The following SAMD5 variants were observed in gnomAD, a reference collection of about 807,000 sequenced individuals.
The protein encoded by SAMD5 is sterile alpha motif domain containing 5, also known as sterile alpha motif domain-containing protein 5.
A neutral mutation model predicts 11.3 loss-of-function variants in SAMD5; 13 were observed. The observed-to-expected ratio is 1.15, with a 90% CI of 0.75 to 1.83. SAMD5 has a LOEUF of 1.83. Among genes scored for constraint, SAMD5 ranks in the 40% most tolerant of loss-of-function variants. The probability of loss-of-function intolerance (pLI) is 0.00; values close to 1 mark genes in which losing one functional copy is unlikely to be tolerated. For missense variants in SAMD5, 255 were observed against 239.1 expected (o/e 1.07, Z -0.44); for synonymous variants, 129 against 111.3 (o/e 1.16, Z -1.00).
chr6:147,571,371 G>T (rs945535257), downstream of SAMD5, among the ~76,000 whole-genome samples: 3 of 152,088 alleles, frequency 2.0e-5, no homozygotes. Context: ...TCTAGATAAT[G>T]AATATCTTCT....
the SAMD5 span, among the ~76,000 whole-genome samples, chr6:147,947,133 A>G: frequency 6.6e-6 from 1 of 152,336 alleles, no homozygotes; most frequent in East Asian, 1.9e-4. Context: ...TTTGCTCTGC[A>G]TAGAATAAAA....
chr6:147,858,966 G>T, the SAMD5 span, among the ~76,000 whole-genome samples: 1 of 152,168 alleles, frequency 6.6e-6, no homozygotes, highest in Non-Finnish European at 1.5e-5. Flanking sequence ...TACAATATTA[G>T]TATGTAGATA....
the SAMD5 span, among the ~76,000 whole-genome samples, chr6:147,779,066 C>T: frequency 6.6e-6 from 1 of 151,468 alleles, no homozygotes; most frequent in Non-Finnish European, 1.5e-5. Context: ...GTGTTTTTGC[C>T]ATGTTAGACA....
At chr6:147,561,517 A>C (rs1788950330) in intron 1 of SAMD5, among the ~76,000 whole-genome samples, 2 of 152,274 alleles carry the variant, frequency 1.3e-5, no homozygotes, top group South Asian at 4.1e-4. Context: ...AGAAGGGATC[A>C]ATGCCTTTCA....
chr6:147,823,201 AT>A, the SAMD5 span, among the ~76,000 whole-genome samples: 1 of 152,178 alleles, frequency 6.6e-6, no homozygotes, highest in Non-Finnish European at 1.5e-5. Flanking sequence ...TTTGATGGAA[AT>A]AATAAAGTTG....
intron 1 of SAMD5, among the ~76,000 whole-genome samples, chr6:147,605,016 G>T (rs979143131): frequency 6.6e-6 from 1 of 152,114 alleles, no homozygotes; most frequent in Non-Finnish European, 1.5e-5. Flanking sequence ...AGGAATTTAT[G>T]GTCTGGTTAC....
the SAMD5 span, among the ~76,000 whole-genome samples, chr6:147,912,991 G>C: frequency 6.6e-6 from 1 of 152,052 alleles, no homozygotes; most frequent in African/African-American, 2.4e-5. Context: ...ACAGTAAAGA[G>C]AAATTTTTTT....
chr6:147,652,843 T>C (rs760880853), intron 1 of SAMD5, among the ~76,000 whole-genome samples: 6 of 152,228 alleles, frequency 3.9e-5, no homozygotes, highest in Non-Finnish European at 7.3e-5. Flanking sequence ...ATTTATTATT[T>C]ATTTACTTGG....
the SAMD5 span, among the ~76,000 whole-genome samples, chr6:147,868,516 G>A: frequency 2.0e-5 from 3 of 152,036 alleles, no homozygotes; most frequent in Non-Finnish European, 2.9e-5. Flanking sequence ...GCATTAAATT[G>A]GCAACTCATG....
At chr6:147,669,855 G>A (rs1385703181) in intron 1 of SAMD5, among the ~76,000 whole-genome samples, 1 of 152,052 alleles carries the variant, frequency 6.6e-6, no homozygotes, top group African/African-American at 2.4e-5. Context: ...CCAAACTCTT[G>A]TTTATGTTGA....
chr6:147,599,960 G>A (rs898792610), intron 1 of SAMD5, among the ~76,000 whole-genome samples: 10 of 151,934 alleles, frequency 6.6e-5, no homozygotes, highest in African/African-American at 2.4e-4. Flanking sequence ...CAAGAGGTGT[G>A]TATGGGACCA....
intron 1 of SAMD5, among the ~76,000 whole-genome samples, chr6:147,657,525 G>A (rs1442375054): frequency 6.6e-6 from 1 of 152,172 alleles, no homozygotes; most frequent in Non-Finnish European, 1.5e-5. Flanking sequence ...AGGCAATGAG[G>A]TAAAATGTTG....
the SAMD5 span, among the ~76,000 whole-genome samples, chr6:147,762,515 A>G: frequency 1.4e-5 from 1 of 72,046 alleles, no homozygotes; most frequent in African/African-American, 5.8e-5. Context: ...CAATTACTGT[A>G]CTCTTTTATG....
chr6:147,837,163 A>G, the SAMD5 span, among the ~76,000 whole-genome samples: 1 of 152,144 alleles, frequency 6.6e-6, no homozygotes, highest in Non-Finnish European at 1.5e-5. Context: ...TTATTATTTA[A>G]GTGGATACTG....
intron 1 of SAMD5, among the ~76,000 whole-genome samples, chr6:147,540,771 G>C (rs1391111788): frequency 1.8e-5 from 1 of 54,422 alleles, no homozygotes; most frequent in Non-Finnish European, 2.9e-5. Context: ...CCCAGACAGA[G>C]AGAGAGGGGG....
intron 1 of SAMD5, among the ~76,000 whole-genome samples, chr6:147,698,400 C>T (rs1468506549): frequency 6.6e-6 from 1 of 152,168 alleles, no homozygotes; most frequent in Non-Finnish European, 1.5e-5. Context: ...GCATTTTCTA[C>T]ACTTGGAAAA....
chr6:147,537,687 C>T (rs985315015), intron 1 of SAMD5, among the ~76,000 whole-genome samples: 2 of 148,930 alleles, frequency 1.3e-5, no homozygotes, highest in Admixed American at 6.7e-5. Context: ...ACCCGGGAGG[C>T]GGAGCTTGCA....
At chr6:147,509,709 C>A (rs1788058671) in intron 1 of SAMD5, among the ~76,000 whole-genome samples, 2 of 152,270 alleles carry the variant, frequency 1.3e-5, no homozygotes, top group East Asian at 3.9e-4. Context: ...GAATTCCTAA[C>A]GCCCTCTATA....
chr6:147,913,501 GC>G, the SAMD5 span, among the ~76,000 whole-genome samples: 1 of 152,268 alleles, frequency 6.6e-6, no homozygotes, highest in South Asian at 2.1e-4. Context: ...TTCGAGACTA[GC>G]CTGGCCAACA....
Sources: allele counts gnomAD v4.1 joint callset (sites outside exome capture counted in the v4.1 genomes callset), GRCh38; gene constraint gnomAD v4.1.1; transcripts MANE v1.5; gene names NCBI Gene and HGNC (gene_info 2026-07-23, HGNC 2026-07-21).